The following ZNF354A variants were observed in gnomAD, a reference collection of about 807,000 sequenced individuals.
The protein encoded by ZNF354A is epididymis luminal protein 104.
A neutral mutation model predicts 53.3 loss-of-function variants in ZNF354A; 25 were observed. That is an observed-to-expected ratio of 0.47 (90% CI 0.34 to 0.66). ZNF354A has a LOEUF of 0.66. Among genes scored for constraint, ZNF354A ranks in the 30% least tolerant of loss-of-function variants. The pLI is 0.01. For synonymous variants in ZNF354A, 228 were observed against 249.0 expected (o/e 0.92, Z 0.79); for missense variants, 586 against 716.8 (o/e 0.82, Z 2.08).
chr5:178,720,206 G>T (rs1033929222), intron 4 of ZNF354A, among the ~76,000 whole-genome samples: 15 of 152,192 alleles, frequency 9.9e-5, no homozygotes, highest in African/African-American at 3.6e-4. Flanking sequence ...ATTGTACAGT[G>T]AATCTCCAGC....
At chr5:178,729,862 C>A (rs917993413) in intron 1 of ZNF354A, among the ~76,000 whole-genome samples, 5 of 141,458 alleles carry the variant, frequency 3.5e-5, no homozygotes, top group African/African-American at 1.3e-4. Context: ...TATCCCATTT[C>A]TAACACGATG....
intron 2 of ZNF354A, among the ~76,000 whole-genome samples, chr5:178,728,777 A>T (rs2113889355): frequency 8.0e-6 from 1 of 124,694 alleles, no homozygotes; most frequent in East Asian, 2.3e-4. Context: ...CGACAAAGCG[A>T]GATTCAAAAA....
In ZNF354A at chr5:178,711,613, CTTTTA is replaced by C. The variant is rs1234176320; in HGVS notation, c.*442_*446del. Reference sequence around the variant, plus strand: ...GAGAGGTAGTTCATAATTCATTTTTCTTTTATTTTGGTCCTTTTCTCTAAAAAGGT... The same window carrying C: ...GAGAGGTAGTTCATAATTCATTTTTCTTTTGGTCCTTTTCTCTAAAAAGGT... On this transcript the variant is annotated 3_prime_UTR_variant, in exon 5 of 5. Coordinates refer to ENST00000335815, the MANE Select transcript of ZNF354A (RefSeq NM_005649.3). The C allele has an allele frequency of 6.5e-6, 1 of 153,138 alleles. No homozygotes were observed. The highest frequency in any genetic ancestry group is 2.4e-5 in the African/African-American group (1 of 41,410). The allele number at this position is 153,138 out of a possible 1,614,324, so 9.5% of individuals were successfully genotyped here.
Position 178,728,222 on chromosome 5 carries a change from TG to T in ZNF354A, c.33+767del, listed in dbSNP as rs528832795. Among the ~76,000 whole-genome samples the T allele has an allele frequency of 3.8e-3, 580 of 152,318 alleles. 8 individuals carry two copies. Among genetic ancestry groups the T allele is most frequent in the African/African-American group, 0.014 (565 of 41,570 alleles). On this transcript the variant is annotated intron_variant, in intron 2 of 4. Coordinates refer to ENST00000335815, the MANE Select transcript of ZNF354A (RefSeq NM_005649.3). ...AATCCAGCAGATGTCTCACTGAGCT[TG>T]CATTCTTAACTACTCTGTAAAACTG...
chr5:178,721,485 A>T (rs1329202459), intron 4 of ZNF354A, among the ~76,000 whole-genome samples: 1 of 152,018 alleles, frequency 6.6e-6, no homozygotes, highest in Non-Finnish European at 1.5e-5. Context: ...TGACAGTGTA[A>T]GTAAATACAC....
rs1478155700 is a variant in ZNF354A, at chr5:178,727,739, C to T, written c.34-614G>A. On this transcript the variant is annotated intron_variant, in intron 2 of 4. Coordinates refer to ENST00000335815, the MANE Select transcript of ZNF354A (RefSeq NM_005649.3). ...AACATTCACAACAATCCTATCAAGA[C>T]GATACCATTATTGTTGCCACTTTAC... 5.3e-5 allele frequency among the ~76,000 whole-genome samples: 8 copies of T among 152,152 alleles called. No individual in the cohort carries two copies. The East Asian group carries it at 1.3e-3, about 26-fold the overall frequency.
At chr5:178,715,311 C>T (rs1765691871) in intron 4 of ZNF354A, among the ~76,000 whole-genome samples, 1 of 152,124 alleles carries the variant, frequency 6.6e-6, no homozygotes, top group African/African-American at 2.4e-5. Context: ...CTTGCTTTTC[C>T]CTTATTAGTG....
intron 4 of ZNF354A, among the ~76,000 whole-genome samples, chr5:178,721,695 C>G (rs1765815958): frequency 6.6e-6 from 1 of 152,158 alleles, no homozygotes; most frequent in Non-Finnish European, 1.5e-5. Context: ...GCCCCCAGTT[C>G]TTCTCACTCT....
intron 3 of ZNF354A, 144 bp from the exon 4 acceptor site, chr5:178,725,615 G>A (rs746860574): frequency 1.3e-6 from 1 of 746,446 alleles, no homozygotes; most frequent in Non-Finnish European, 2.2e-6. Context: ...GGAGGTAAGG[G>A]GGTAAGGCGG....
chr5:178,720,854 C>T (rs1274017737), intron 4 of ZNF354A, among the ~76,000 whole-genome samples: 3 of 84,424 alleles, frequency 3.6e-5, no homozygotes, highest in African/African-American at 9.1e-5. Flanking sequence ...TTACTTTTGC[C>T]CCTAGAATAC....
chr5:178,722,936 G>GC (rs1765837935), intron 4 of ZNF354A, among the ~76,000 whole-genome samples: 1 of 152,196 alleles, frequency 6.6e-6, no homozygotes, highest in Non-Finnish European at 1.5e-5. Context: ...CCACATGGAC[G>GC]CATGACCGCC....
At position 178,713,275 on chromosome 5, in the gene ZNF354A, T is replaced by C. The variant is rs760086803; in HGVS notation, c.603A>G (p.Gln201=). 5.0e-6 allele frequency: 8 copies of C among 1,614,194 alleles called. No homozygotes were observed. The Admixed American group carries it at 1.2e-4, about 24-fold the overall frequency. Residue 201 remains glutamine, a synonymous_variant, in exon 5 of 5, where the codon CAA becomes CAG. Transcript: ENST00000335815. ...CTGTAATTTTTGGTTGATTAAGTAA[T>C]TGTGAATTCTGTTTGAGGCTGTTTC... ...IQGNSLKQNS[Q]LLNQPKITAD...
chr5:178,720,484 G>A (rs974604202), intron 4 of ZNF354A, among the ~76,000 whole-genome samples: 3 of 152,228 alleles, frequency 2.0e-5, no homozygotes, highest in African/African-American at 7.2e-5. Flanking sequence ...GGCGAACACA[G>A]TGTGAAGACG....
At chr5:178,717,662 C>T (rs1216707719) in intron 4 of ZNF354A, among the ~76,000 whole-genome samples, 6 of 151,882 alleles carry the variant, frequency 4.0e-5, no homozygotes, top group African/African-American at 1.5e-4. Flanking sequence ...TGGGGGAGGT[C>T]AGAGCTATAG....
At position 178,712,693 on chromosome 5, in the gene ZNF354A, G is replaced by C. The variant is rs1025351178; in HGVS notation, c.1185C>G (p.Ala395=). 1 of 1,613,398 alleles carries C rather than the reference G, an allele frequency of 6.2e-7. No individual in the cohort carries two copies. Among genetic ancestry groups the C allele is most frequent in the African/African-American group, 1.3e-5 (1 of 74,904 alleles). The part of the protein sequence containing the change: ...SECGRAFSQS[A]SLIQHERIHT... Reference sequence around the variant, plus strand: ...GAATTCTTTCATGTTGAATAAGAGAGGCACTCTGGCTGAAGGCTCTCCCAC... The same window carrying C: ...GAATTCTTTCATGTTGAATAAGAGACGCACTCTGGCTGAAGGCTCTCCCAC... The change falls in exon 5 of 5, where the codon GCC becomes GCG. Residue 395 remains alanine (A), a synonymous_variant. Coordinates refer to ENST00000335815, the MANE Select transcript of ZNF354A (RefSeq NM_005649.3).
chr5:178,725,934 G>A (rs1374937520), intron 3 of ZNF354A: 4 of 249,390 alleles, frequency 1.6e-5, no homozygotes, highest in East Asian at 1.1e-4. Context: ...TGCAACCTCC[G>A]TCTCCCGGGT....
In ZNF354A at chr5:178,713,395, A is replaced by C; in HGVS notation, c.483T>G (p.Asn161Lys). Reference protein sequence around the residue: ...KIPTIERSHKNTELSQNFSPK... With the variant: ...KIPTIERSHKKTELSQNFSPK... Reference sequence around the variant, plus strand: ...GGCTGAAGTTTTGGCTCAATTCAGTATTTTTATGGCTTCTTTCTATAGTGG... The same window carrying C: ...GGCTGAAGTTTTGGCTCAATTCAGTCTTTTTATGGCTTCTTTCTATAGTGG... The change falls in exon 5 of 5, where the codon AAT becomes AAG. Residue 161 changes from asparagine to lysine, a missense_variant. This residue lies in a region of ZNF354A where 573 missense variants were observed against 680.1 expected (regional missense o/e 0.84). Coordinates refer to ENST00000335815, the MANE Select transcript of ZNF354A (RefSeq NM_005649.3). 3.1e-6 allele frequency: 5 copies of C among 1,613,938 alleles called. No individual in the cohort carries two copies. Among genetic ancestry groups the C allele is most frequent in the Non-Finnish European group, 4.2e-6 (5 of 1,179,974 alleles).
rs1382957120 is a variant in ZNF354A at position 178,712,411 on chromosome 5, A to G, written c.1467T>C (p.Thr489=). The change falls in exon 5 of 5, where the codon ACT becomes ACC. Residue 489 remains threonine (T), a synonymous_variant. Transcript: ENST00000335815. ...SALIQHQRMH[T]GERPYKCNEC... Reference sequence around the variant, plus strand: ...CGTTACATTTATAGGGTCTTTCTCCAGTATGCATTCTCTGATGTTGAATGA... The same window carrying G: ...CGTTACATTTATAGGGTCTTTCTCCGGTATGCATTCTCTGATGTTGAATGA... 1.9e-6 allele frequency: 3 copies of G among 1,613,862 alleles called. No individual in the cohort carries two copies. Among genetic ancestry groups the G allele is most frequent in the South Asian group, 1.1e-5 (1 of 91,078 alleles).
chr5:178,713,626 A>AG lies in ZNF354A; in HGVS notation c.257-6dup, dbSNP rs1438962826. On this transcript the variant is annotated splice_region_variant and splice_polypyrimidine_tract_variant and intron_variant, in intron 4 of 4. Coordinates refer to ENST00000335815, the MANE Select transcript of ZNF354A (RefSeq NM_005649.3). ...TTTTATGACTGCTCTTCGATCCTGG[A>AG]GGGAAAAAAAAAATCAAAAATGTTT... is the stretch of plus-strand genomic sequence containing the variant. 6.5e-7 allele frequency: 1 copy of AG among 1,535,962 alleles called. No homozygotes were observed. The highest frequency in any genetic ancestry group is 8.7e-7 in the Non-Finnish European group (1 of 1,152,746).
Sources: allele counts gnomAD v4.1 joint callset (sites outside exome capture counted in the v4.1 genomes callset), GRCh38; gene constraint gnomAD v4.1.1; regional missense constraint gnomAD v4.1.1; transcripts MANE v1.5; gene names NCBI Gene and HGNC (gene_info 2026-07-23, HGNC 2026-07-21).